Variants in RANBP3 observed in about 807,000 individuals in gnomAD.
The protein encoded by RANBP3 is ran-binding protein 3.
A neutral mutation model predicts 77.3 loss-of-function variants in RANBP3; 14 were observed. The ratio of observed to expected loss-of-function variants is 0.18; its 90% CI spans 0.12 to 0.28. The LOEUF (loss-of-function observed/expected upper bound fraction) is 0.28. Among genes scored for constraint, RANBP3 ranks in the 10% least tolerant of loss-of-function variants. The probability of loss-of-function intolerance (pLI) is 1.00; values close to 1 mark genes in which losing one functional copy is unlikely to be tolerated. For missense variants in RANBP3, 586 were observed against 752.3 expected, an observed-to-expected ratio of 0.78 and a Z score of 2.59; for synonymous variants, 315 against 312.4, an observed-to-expected ratio of 1.01 and a Z score of -0.09.
At chr19:5,919,887 G>A (rs1339950864) in intron 14 of RANBP3, among the ~76,000 whole-genome samples, 9 of 128,360 alleles carry the variant, frequency 7.0e-5, no homozygotes, top group East Asian at 2.5e-4. Flanking sequence ...GGCAACAAGG[G>A]CAAAACTCCG....
rs1282645354 is a variant in RANBP3, at chr19:5,978,099, C to T, written c.-17G>A. The T allele has an allele frequency of 1.2e-6, 2 of 1,608,248 alleles. No individual in the cohort carries two copies. Among genetic ancestry groups the T allele is most frequent in the East Asian group, 2.3e-5 (1 of 44,160 alleles). ...GTCCGCCATTTTACTTCCTTAAGCCCTCCCACAAGGCCCCGCGCCGGCCCA... is the reference window on the plus strand; with the variant it reads ...GTCCGCCATTTTACTTCCTTAAGCCTTCCCACAAGGCCCCGCGCCGGCCCA... On this transcript the variant is annotated 5_prime_UTR_variant, in exon 1 of 17. Transcript: ENST00000340578.
Position 5,927,964 on chromosome 19 carries a change from A to G in RANBP3, c.813+4T>C. ...TCAATGTGCTGGTTCAACAGCTCAC[A>G]TACCTTAACTCTGTCCCTCAAGTTC... On this transcript the variant is annotated splice_donor_region_variant and intron_variant, in intron 9 of 16. Coordinates refer to ENST00000340578, the MANE Select transcript of RANBP3 (RefSeq NM_007322.3). 2 of 1,604,778 alleles carry G rather than the reference A, an allele frequency of 1.2e-6. No individual in the cohort carries two copies. Among genetic ancestry groups the G allele is most frequent in the Non-Finnish European group, 8.5e-7 (1 of 1,176,820 alleles).
At chr19:5,951,293 A>G in intron 3 of RANBP3, 100 bp downstream of exon 3, 1 of 1,114,016 alleles carries the variant, frequency 9.0e-7, no homozygotes, top group Non-Finnish European at 1.3e-6. Context: ...AGCTGCTTAC[A>G]ATTAGCTAGG....
At chr19:5,931,856 G>A (rs2145085189) in intron 7 of RANBP3, among the ~76,000 whole-genome samples, 1 of 152,128 alleles carries the variant, frequency 6.6e-6, no homozygotes, top group East Asian at 1.9e-4. Flanking sequence ...AACACAGCAA[G>A]TCCTCGTTTC....
intron 5 of RANBP3, chr19:5,933,738 C>T: frequency 2.4e-6 from 1 of 414,342 alleles, no homozygotes; most frequent in Non-Finnish European, 4.4e-6. Context: ...GGGGCGTCAG[C>T]CGCCCTCCCA....
intron 3 of RANBP3, among the ~76,000 whole-genome samples, chr19:5,946,030 C>T (rs1267991636): frequency 1.3e-5 from 2 of 152,074 alleles, no homozygotes; most frequent in African/African-American, 4.8e-5. Flanking sequence ...GGCCATGTGG[C>T]CTCCTGTTTT....
Position 5,917,308 on chromosome 19 carries a change from T to C in RANBP3, c.*302A>G. On this transcript the variant is annotated 3_prime_UTR_variant, in exon 17 of 17. Coordinates refer to ENST00000340578, the MANE Select transcript of RANBP3 (RefSeq NM_007322.3). ...CGACACGCGGGGTGAAGGAACGAGG[T>C]CTCCAGTCCCAGTGAGAAGCCGTGA... 1 of 450,532 alleles carries C rather than the reference T, an allele frequency of 2.2e-6. No individual in the cohort carries two copies. Among genetic ancestry groups the C allele is most frequent in the Non-Finnish European group, 4.0e-6 (1 of 251,582 alleles). 27.9% of individuals were successfully genotyped at this position (450,532 alleles called of 1,614,324 possible). A position where few individuals can be genotyped will look rare whatever the true frequency, so the allele number is the denominator to read the frequency against.
In RANBP3 at chr19:5,921,078, T is replaced by G; in HGVS notation, c.1330+123A>C. On this transcript the variant is annotated intron_variant, in intron 14 of 16. Coordinates refer to ENST00000340578, the MANE Select transcript of RANBP3 (RefSeq NM_007322.3). The surrounding 1 kb of genome is among the most constrained non-coding windows in gnomAD (Gnocchi z 5.3). Reference sequence around the variant, plus strand: ...GGGGCGGCTCTCATGGGAGACCGACTCTGTGCCTTGACTCTCACAAGGGTA... The same window carrying G: ...GGGGCGGCTCTCATGGGAGACCGACGCTGTGCCTTGACTCTCACAAGGGTA... 1 of 1,307,920 alleles carries G rather than the reference T, an allele frequency of 7.6e-7. No individual in the cohort carries two copies. 81.0% of individuals were successfully genotyped at this position (1,307,920 alleles called of 1,614,324 possible).
intron 2 of RANBP3, among the ~76,000 whole-genome samples, chr19:5,957,238 T>C (rs565790663): frequency 6.6e-6 from 1 of 152,158 alleles, no homozygotes; most frequent in South Asian, 2.1e-4. Context: ...GCCGATGGCT[T>C]CAAGGTAAAT....
intron 16 of RANBP3, 50 bp from the exon 17 acceptor site, chr19:5,917,703 G>A (rs1209679487): frequency 1.9e-6 from 3 of 1,593,682 alleles, no homozygotes; most frequent in Admixed American, 3.4e-5. Flanking sequence ...CACTTCCCAG[G>A]TCTGGCCACC....
rs573227012 is a variant in RANBP3 at position 5,953,004 on chromosome 19, A to G, written c.79-1408T>C. ...GGACTGCCTATCTCTAATTAGAACC[A>G]CTTGAATTTTTTGTAATCCCTGCTT... On this transcript the variant is annotated intron_variant, in intron 2 of 16. Coordinates refer to ENST00000340578, the MANE Select transcript of RANBP3 (RefSeq NM_007322.3). Among the ~76,000 whole-genome samples the G allele has an allele frequency of 3.5e-4, 54 of 152,256 alleles. 1 individual carries two copies. Among genetic ancestry groups the G allele is most frequent in the African/African-American group, 1.1e-3 (47 of 41,548 alleles).
intron 6 of RANBP3, chr19:5,932,986 G>A (rs1325062138): frequency 7.6e-6 from 2 of 264,146 alleles, no homozygotes; most frequent in Admixed American, 5.2e-5. Flanking sequence ...ACCCTTGCAT[G>A]TGCCCTGCCC....
rs185063610 is a variant in RANBP3 at position 5,938,406 on chromosome 19, G to C, written c.406+3215C>G. On this transcript the variant is annotated intron_variant, in intron 5 of 16. Coordinates refer to ENST00000340578, the MANE Select transcript of RANBP3 (RefSeq NM_007322.3). ...GGCTTTCCTTAAAATTTTAAAGCTG[G>C]GGGCCAGACGTGGTGGCTCACGCCT... Among the ~76,000 whole-genome samples the C allele has an allele frequency of 6.8e-3, 1,032 of 152,240 alleles. 3 individuals carry two copies. The highest frequency in any genetic ancestry group is 0.014 in the Middle Eastern group (4 of 294).
rs554445979 is a variant in RANBP3, at chr19:5,948,924, G to A, written c.282+2469C>T. Among the ~76,000 whole-genome samples, 3 of 152,324 alleles carry A rather than the reference G, an allele frequency of 2.0e-5. No homozygotes were observed. The East Asian group carries it at 5.8e-4, about 29-fold the overall frequency. On this transcript the variant is annotated intron_variant, in intron 3 of 16. Transcript: ENST00000340578. ...ATCAAACAGAGAACTTAATCGGGATGTGGTTTGGTCTTCTTCAGACTGTCT... is the reference window on the plus strand; with the variant it reads ...ATCAAACAGAGAACTTAATCGGGATATGGTTTGGTCTTCTTCAGACTGTCT...
At chr19:5,962,887 T>G (rs1458474571) in intron 1 of RANBP3, among the ~76,000 whole-genome samples, 2 of 152,070 alleles carry the variant, frequency 1.3e-5, no homozygotes, top group African/African-American at 4.8e-5. Flanking sequence ...AGCCATTCCC[T>G]ATCACCAGGC....
chr19:5,936,719 A>G (rs2058069093), intron 5 of RANBP3, among the ~76,000 whole-genome samples: 1 of 152,194 alleles, frequency 6.6e-6, no homozygotes, highest in African/African-American at 2.4e-5. Flanking sequence ...CAGGGCTTCC[A>G]CTGGCCAAAT....
intron 2 of RANBP3, among the ~76,000 whole-genome samples, chr19:5,957,463 G>A (rs11879295): frequency 0.016 from 2,476 of 152,122 alleles, 36 homozygotes; most frequent in Middle Eastern, 0.095. Context: ...CGCCCAGCTC[G>A]TTAGGGCCAA....
rs2058366898 is a variant in RANBP3 at position 5,958,883 on chromosome 19, A to G, written c.23-910T>C. On this transcript the variant is annotated intron_variant, in intron 1 of 16. Transcript: ENST00000340578. The surrounding 1 kb of genome is among the most constrained non-coding windows in gnomAD (Gnocchi z 4.4). ...AGCAAGAGCAGCTGTGACTCTGGTG[A>G]ATGCCTGCTGTGGGCTGCGGGCTGC... 6.6e-6 allele frequency among the ~76,000 whole-genome samples: 1 copy of G among 152,246 alleles called. No individual in the cohort carries two copies. Among genetic ancestry groups the G allele is most frequent in the African/African-American group, 2.4e-5 (1 of 41,466 alleles).
intron 3 of RANBP3, among the ~76,000 whole-genome samples, chr19:5,948,865 G>A (rs903288017): frequency 2.6e-5 from 4 of 152,168 alleles, no homozygotes; most frequent in African/African-American, 4.8e-5. Context: ...CACCAGGCTC[G>A]CAGTGAGTGC....
Sources: gnomAD v4.1 joint callset for allele counts (sites outside exome capture counted in the v4.1 genomes callset) on GRCh38, gnomAD v4.1.1 for gene constraint, Gnocchi (gnomAD v3.1) non-coding constraint, MANE v1.5 for transcripts, NCBI Gene and HGNC (gene_info 2026-07-23, HGNC 2026-07-21) for gene names.